Variants in CAMK1D observed in about 807,000 individuals in gnomAD.
The protein encoded by CAMK1D is calcium/calmodulin-dependent protein kinase type 1D.
In CAMK1D, 9 loss-of-function variants were observed where a neutral mutation model predicts 47.7. The ratio of observed to expected loss-of-function variants is 0.19; its 90% confidence interval spans 0.11 to 0.33. The LOEUF is 0.33. Ranked by LOEUF, CAMK1D falls within the 10% of genes least tolerant of loss-of-function variation. The pLI, the probability that CAMK1D is intolerant of heterozygous loss-of-function variation, is 1.00. For synonymous variants in CAMK1D, 184 were observed against 184.9 expected (o/e 0.99, Z 0.04); for missense variants, 291 against 488.7 (o/e 0.60, Z 3.81).
At chr10:12,727,819 A>G (rs1231281532) in intron 3 of CAMK1D, among the ~76,000 whole-genome samples, 1 of 147,136 alleles carries the variant, frequency 6.8e-6, no homozygotes. Flanking sequence ...GCTGGAGTAC[A>G]GGGGCGCGCG....
At chr10:12,511,103 A>T (rs1404441650) in intron 1 of CAMK1D, among the ~76,000 whole-genome samples, 1 of 152,162 alleles carries the variant, frequency 6.6e-6, no homozygotes, top group East Asian at 1.9e-4. Context: ...ATTTTTCTTC[A>T]TTGGTATCTG....
intron 2 of CAMK1D, among the ~76,000 whole-genome samples, chr10:12,607,726 C>T (rs545558285): frequency 7.9e-5 from 12 of 152,210 alleles, no homozygotes; most frequent in Middle Eastern, 3.4e-3. Flanking sequence ...TCTGGGAGGC[C>T]GCAGTGGGAG....
chr10:12,787,774 G>A (rs1348960123), intron 5 of CAMK1D, among the ~76,000 whole-genome samples: 3 of 152,204 alleles, frequency 2.0e-5, no homozygotes, highest in African/African-American at 7.2e-5. Flanking sequence ...GGCTGAGGCC[G>A]GTGGATCATG....
chr10:12,383,040 A>C (rs1331339144), intron 1 of CAMK1D, among the ~76,000 whole-genome samples: 3 of 152,122 alleles, frequency 2.0e-5, no homozygotes, highest in Non-Finnish European at 2.9e-5. Flanking sequence ...AGTTCTTCCA[A>C]AGTGCACACA....
intron 3 of CAMK1D, among the ~76,000 whole-genome samples, chr10:12,732,676 C>A (rs547303379): frequency 1.3e-5 from 2 of 149,088 alleles, no homozygotes; most frequent in South Asian, 2.2e-4. Context: ...CCCCGCCCCC[C>A]CCGCCCCCTG....
At chr10:12,481,546 G>T (rs952788673) in intron 1 of CAMK1D, among the ~76,000 whole-genome samples, 3 of 151,870 alleles carry the variant, frequency 2.0e-5, no homozygotes, top group Admixed American at 6.6e-5. Flanking sequence ...GTCTCGCCCT[G>T]TTGCCCAGGC....
At chr10:12,528,093 A>G (rs1252874217) in intron 1 of CAMK1D, among the ~76,000 whole-genome samples, 2 of 152,322 alleles carry the variant, frequency 1.3e-5, no homozygotes, top group Admixed American at 6.5e-5. Flanking sequence ...CAATAACCCT[A>G]TTAGGTGGGT....
intron 8 of CAMK1D, among the ~76,000 whole-genome samples, chr10:12,817,383 G>C (rs536321058): frequency 6.6e-6 from 1 of 152,036 alleles, no homozygotes; most frequent in Non-Finnish European, 1.5e-5. Flanking sequence ...GATGCTTTTC[G>C]AATTTGTGTT....
At chr10:12,563,109 G>GA (rs1261957980) in intron 2 of CAMK1D, among the ~76,000 whole-genome samples, 1 of 152,256 alleles carries the variant, frequency 6.6e-6, no homozygotes, top group East Asian at 1.9e-4. Context: ...GGAGACCCGG[G>GA]AAAGCCAACT....
At chr10:12,792,766 C>T (rs571091084) in intron 6 of CAMK1D, among the ~76,000 whole-genome samples, 2 of 152,274 alleles carry the variant, frequency 1.3e-5, no homozygotes, top group African/African-American at 4.8e-5. Flanking sequence ...AAAGGACTCT[C>T]GTTTATGGAA....
chr10:12,468,029 A>C (rs1399879352), intron 1 of CAMK1D, among the ~76,000 whole-genome samples: 4 of 152,194 alleles, frequency 2.6e-5, no homozygotes, highest in Non-Finnish European at 5.9e-5. Context: ...TCATTCATAC[A>C]AGCTACCGAT....
intron 1 of CAMK1D, among the ~76,000 whole-genome samples, chr10:12,469,934 A>C (rs7894008): frequency 0.36 from 54,720 of 151,896 alleles, 10,218 homozygotes; most frequent in Non-Finnish European, 0.41. Context: ...CGAACACTTT[A>C]TCAGGGCATA....
chr10:12,420,780 G>A (rs1840024483), intron 1 of CAMK1D, among the ~76,000 whole-genome samples: 1 of 152,096 alleles, frequency 6.6e-6, no homozygotes, highest in Non-Finnish European at 1.5e-5. Flanking sequence ...CCTATAAAAT[G>A]AAATGTTCGA....
chr10:12,596,694 A>T (rs556723166), intron 2 of CAMK1D, among the ~76,000 whole-genome samples: 73 of 152,124 alleles, frequency 4.8e-4, no homozygotes, highest in African/African-American at 1.7e-3. Context: ...ACCCTCAAAG[A>T]TTTGGATGCC....
At chr10:12,390,721 G>T (rs902794874) in intron 1 of CAMK1D, among the ~76,000 whole-genome samples, 1 of 152,126 alleles carries the variant, frequency 6.6e-6, no homozygotes, top group Non-Finnish European at 1.5e-5. Flanking sequence ...GCTTCTAGTC[G>T]AACGTGTAAA....
At chr10:12,783,003 T>G (rs536799558) in intron 5 of CAMK1D, among the ~76,000 whole-genome samples, 72 of 151,240 alleles carry the variant, frequency 4.8e-4, no homozygotes, top group African/African-American at 1.6e-3. Flanking sequence ...TTTGTTTTTT[T>G]TTTTTTTGAG....
chr10:12,638,840 T>C (rs1839586209), intron 2 of CAMK1D, among the ~76,000 whole-genome samples: 1 of 152,162 alleles, frequency 6.6e-6, no homozygotes, highest in African/African-American at 2.4e-5. Flanking sequence ...AGGTTCCCCA[T>C]CTTCCTCTGG....
intron 3 of CAMK1D, 91 bp from the exon 4 acceptor site, chr10:12,760,857 C>A: frequency 7.1e-7 from 1 of 1,411,952 alleles, no homozygotes; most frequent in Non-Finnish European, 9.8e-7. Context: ...TTCATTTTTG[C>A]AATAAAGTTT....
chr10:12,451,563 G>A (rs1833083861), intron 1 of CAMK1D, among the ~76,000 whole-genome samples: 1 of 152,114 alleles, frequency 6.6e-6, no homozygotes. Flanking sequence ...ATTTAGAGGG[G>A]GCGAGAGAAA....
Sources: allele counts gnomAD v4.1 joint callset (sites outside exome capture counted in the v4.1 genomes callset), GRCh38; gene constraint gnomAD v4.1.1; transcripts MANE v1.5; gene names NCBI Gene and HGNC (gene_info 2026-07-23, HGNC 2026-07-21).